BCL6: variants seen among roughly 807,000 people sequenced by gnomAD.
BCL6 encodes the protein B-cell lymphoma 6 protein.
BCL6 carries 7 observed loss-of-function variants against 59.5 expected under a neutral mutation model. The observed-to-expected ratio is 0.12, with a 90% CI of 0.07 to 0.22. The LOEUF is 0.22. BCL6 is among the 10% of genes least tolerant of loss of function. BCL6 has a pLI of 1.00. For missense variants in BCL6, 685 were observed against 939.4 expected (o/e 0.73, Z 3.54); for synonymous variants, 339 against 349.7 (o/e 0.97, Z 0.34).
At chr3:187,727,018 C>G in intron 6 of BCL6, 120 bp from the exon 7 acceptor site, 1 of 1,136,652 alleles carries the variant, frequency 8.8e-7, no homozygotes, top group African/African-American at 1.5e-5. Flanking sequence ...CCTCACTCAC[C>G]CACCCGACAT....
rs373033697 is a variant in BCL6, at chr3:187,733,459, T to C, written c.161+74A>G. The C allele has an allele frequency of 3.3e-6, 5 of 1,536,234 alleles. No homozygotes were observed. In the Admixed American group the frequency reaches 5.3e-5, roughly 16 times the overall value. On this transcript the variant is annotated intron_variant, in intron 3 of 9. Coordinates refer to ENST00000406870, the MANE Select transcript of BCL6 (RefSeq NM_001706.5). Reference sequence around the variant, plus strand: ...TCCCAGATGCAGTAAAAGGCCCACATGTTCTGCCTTGCTTGGCTGCCAGCA... The same window carrying C: ...TCCCAGATGCAGTAAAAGGCCCACACGTTCTGCCTTGCTTGGCTGCCAGCA...
chr3:187,743,975 T>C (rs1279856925), intron 1 of BCL6, among the ~76,000 whole-genome samples: 2 of 152,222 alleles, frequency 1.3e-5, no homozygotes, highest in South Asian at 2.1e-4. Flanking sequence ...CAAAGTGCCC[T>C]TCTCTCCTCC....
chr3:187,744,381 A>C (rs1576884837), intron 1 of BCL6, among the ~76,000 whole-genome samples: 1 of 143,430 alleles, frequency 7.0e-6, no homozygotes, highest in African/African-American at 2.5e-5. Flanking sequence ...ATGAGCAGGG[A>C]GAGCGCGCGG....
rs147671000 is a variant in BCL6 at position 187,729,687 on chromosome 3, C to G, written c.718G>C (p.Gly240Arg). The change falls in exon 5 of 10, where the codon GGT (glycine) becomes CGT (arginine). Residue 240 changes from glycine (G) to arginine (R), a missense_variant. This residue lies in a region of BCL6 where 268 missense variants were observed against 263.8 expected (regional missense o/e 1.02). Transcript: ENST00000406870. This position sits in a 1 kb window ranked among gnomAD's most constrained non-coding sequence, Gnocchi z 5.6. ...TCCAAAGTCGGCCGGCTGTACTCAC[C>G]AGGGACTGGCCTGGCACTATCACAT... The part of the protein sequence containing the change: ...LPCDSARPVP[G>R]EYSRPTLEVS... The G allele has an allele frequency of 6.2e-7, 1 of 1,614,100 alleles. No individual in the cohort carries two copies. Among genetic ancestry groups the G allele is most frequent in the Non-Finnish European group, 8.5e-7 (1 of 1,180,002 alleles).
chr3:187,739,508 C>T (rs957967771), intron 1 of BCL6, among the ~76,000 whole-genome samples: 3 of 152,222 alleles, frequency 2.0e-5, no homozygotes, highest in African/African-American at 7.2e-5. Context: ...TCGACAGCCG[C>T]TTTGGATAAC....
intron 9 of BCL6, among the ~76,000 whole-genome samples, chr3:187,723,281 T>G (rs1428447894): frequency 6.6e-6 from 1 of 152,214 alleles, no homozygotes; most frequent in Non-Finnish European, 1.5e-5. Context: ...TTGATTTAAT[T>G]CAATGAATGG....
intron 9 of BCL6, among the ~76,000 whole-genome samples, chr3:187,724,152 G>A (rs968944587): frequency 9.2e-5 from 14 of 152,178 alleles, no homozygotes; most frequent in African/African-American, 3.4e-4. Context: ...TCACCACCTA[G>A]AAGAATGTCA....
intron 6 of BCL6, among the ~76,000 whole-genome samples, chr3:187,727,808 CT>C (rs1365620043): frequency 2.0e-5 from 3 of 152,194 alleles, no homozygotes; most frequent in Non-Finnish European, 4.4e-5. Flanking sequence ...AAGATTTAGA[CT>C]TTTTTGTCTG....
At chr3:187,731,050 T>C (rs1719015619) in intron 4 of BCL6, among the ~76,000 whole-genome samples, 2 of 152,168 alleles carry the variant, frequency 1.3e-5, no homozygotes, top group African/African-American at 4.8e-5. Flanking sequence ...GAGTCTCTGT[T>C]GCACTTAGTG....
At chr3:187,744,594 A>G (rs1159761891) in intron 1 of BCL6, among the ~76,000 whole-genome samples, 1 of 151,736 alleles carries the variant, frequency 6.6e-6, no homozygotes, top group East Asian at 1.9e-4. Flanking sequence ...AAAAACAAAA[A>G]CCCAAAGAGT....
rs1718464963 is a variant in BCL6 at position 187,722,391 on chromosome 3, G to A, written c.*67C>T. On this transcript the variant is annotated 3_prime_UTR_variant, in exon 10 of 10. Transcript: ENST00000406870. ...TACATCATGGGATGAACATTGTAAA[G>A]TGTTACAGTATCCTTTGGGTAGATT... 7.9e-7 allele frequency: 1 copy of A among 1,273,344 alleles called. No individual in the cohort carries two copies. Among genetic ancestry groups the A allele is most frequent in the African/African-American group, 1.7e-5 (1 of 58,404 alleles). The allele number at this position is 1,273,344 out of a possible 1,614,324, so 78.9% of individuals were successfully genotyped here. A position where few individuals can be genotyped will look rare whatever the true frequency, so the allele number is the denominator to read the frequency against.
At chr3:187,738,374 A>G (rs1418658587) in intron 1 of BCL6, among the ~76,000 whole-genome samples, 2 of 152,224 alleles carry the variant, frequency 1.3e-5, no homozygotes, top group Non-Finnish European at 1.5e-5. Flanking sequence ...AAAACTAAAC[A>G]GAAAGCCCCT....
intron 1 of BCL6, among the ~76,000 whole-genome samples, chr3:187,744,287 C>T (rs1711764262): frequency 6.6e-6 from 1 of 152,246 alleles, no homozygotes; most frequent in South Asian, 2.1e-4. Flanking sequence ...CCCCCGCACA[C>T]TGAAAGGCAT....
rs976060231 is a variant in BCL6 at position 187,745,404 on chromosome 3, A to G, written c.-50+6T>C. ...CAGCAGCGGCGGCAGCAACAGCAATAATCACCTGGTGTCCGGCCTTTCCTA... is the reference window on the plus strand; with the variant it reads ...CAGCAGCGGCGGCAGCAACAGCAATGATCACCTGGTGTCCGGCCTTTCCTA... On this transcript the variant is annotated splice_donor_region_variant and intron_variant, in intron 1 of 9. Transcript: ENST00000406870. The G allele has an allele frequency of 1.0e-5, 4 of 401,582 alleles. No homozygotes were observed. Among genetic ancestry groups the G allele is most frequent in the Middle Eastern group, 5.0e-4 (1 of 1,986 alleles). 24.9% of individuals were successfully genotyped at this position (401,582 alleles called of 1,614,324 possible). A position where few individuals can be genotyped will look rare whatever the true frequency, so the allele number is the denominator to read the frequency against.
chr3:187,744,812 G>C (rs116291615), intron 1 of BCL6, among the ~76,000 whole-genome samples: 8 of 101,786 alleles, frequency 7.9e-5, no homozygotes, highest in South Asian at 3.9e-4. Flanking sequence ...GAGCGACGGA[G>C]CAAGGAAAGC....
intron 1 of BCL6, among the ~76,000 whole-genome samples, chr3:187,738,399 C>G (rs1370261418): frequency 6.6e-6 from 1 of 152,166 alleles, no homozygotes; most frequent in East Asian, 1.9e-4. Context: ...CCTACGTTGG[C>G]AAGAACGGGA....
At position 187,734,898 on chromosome 3, in the gene BCL6, T is replaced by C. The variant is rs1719217426; in HGVS notation, c.-40A>G. 1.3e-5 allele frequency: 2 copies of C among 152,686 alleles called. No homozygotes were observed. Among genetic ancestry groups the C allele is most frequent in the Admixed American group, 1.3e-4 (2 of 15,286 alleles). 9.5% of individuals were successfully genotyped at this position (152,686 alleles called of 1,614,324 possible). On this transcript the variant is annotated 5_prime_UTR_variant, in exon 2 of 10. Transcript: ENST00000406870. ...TGCCTTGCTTCACAGTCCAAAATTT[T>C]GCTCAAAACCTACAGAGAAGAGAAG...
chr3:187,721,480 T>C lies in BCL6; in HGVS notation c.*978A>G, dbSNP rs1560144562. ...CCAAACCCTGTCTCCGGAGTAGTTA[T>C]AACACAAGCATGACGCAGAATGGGA... On this transcript the variant is annotated 3_prime_UTR_variant, in exon 10 of 10. Coordinates refer to ENST00000406870, the MANE Select transcript of BCL6 (RefSeq NM_001706.5). This position sits in a 1 kb window ranked among gnomAD's most constrained non-coding sequence, Gnocchi z 4.2. 1 of 232,910 alleles carries C rather than the reference T, an allele frequency of 4.3e-6. No homozygotes were observed. 14.4% of individuals were successfully genotyped at this position (232,910 alleles called of 1,614,324 possible). A position where few individuals can be genotyped will look rare whatever the true frequency, so the allele number is the denominator to read the frequency against.
intron 1 of BCL6, among the ~76,000 whole-genome samples, chr3:187,743,309 T>A (rs1393658653): frequency 6.6e-6 from 1 of 151,322 alleles, no homozygotes; most frequent in African/African-American, 2.4e-5. Context: ...CCATAAAAGA[T>A]TAAATCCTGG....
Sources: gnomAD v4.1 joint callset for allele counts (sites outside exome capture counted in the v4.1 genomes callset) on GRCh38, gnomAD v4.1.1 for gene constraint, gnomAD v4.1.1 regional missense constraint, Gnocchi (gnomAD v3.1) non-coding constraint, MANE v1.5 for transcripts, NCBI Gene and HGNC (gene_info 2026-07-23, HGNC 2026-07-21) for gene names.